NOTCH2NLC: variants seen among roughly 807,000 people sequenced by gnomAD.
The protein encoded by NOTCH2NLC is notch homolog 2 N-terminal-like protein C.
A neutral mutation model predicts 17.7 loss-of-function variants in NOTCH2NLC; 4 were observed. That is an observed-to-expected ratio of 0.23 (90% confidence interval 0.11 to 0.52). The LOEUF (loss-of-function observed/expected upper bound fraction) is 0.52, where lower values mean the gene tolerates loss of function less well. Ranked by LOEUF, NOTCH2NLC falls within the 20% of genes least tolerant of loss-of-function variation. The probability of loss-of-function intolerance (pLI) is 0.96; values close to 1 mark genes in which losing one functional copy is unlikely to be tolerated. For missense variants in NOTCH2NLC, 57 were observed against 207.2 expected (o/e 0.28, Z 4.45); for synonymous variants, 18 against 86.0 (o/e 0.21, Z 4.38).
At chr1:149,416,604 G>T (rs1402414612) in intron 1 of NOTCH2NLC, among the ~76,000 whole-genome samples, 1 of 102,582 alleles carries the variant, frequency 9.7e-6, no homozygotes, top group East Asian at 2.8e-4. Flanking sequence ...TTATGATCTG[G>T]TTCCATCTCT....
In NOTCH2NLC at chr1:149,466,277, G is replaced by GTATATATATATATATATATATATATA. The variant is rs1184842539; in HGVS notation, c.*2139_*2140insATATATATATATATATATATATATAT. 2 of 142,544 alleles carry GTATATATATATATATATATATATATA rather than the reference G, an allele frequency of 1.4e-5. No individual in the cohort carries two copies. The highest frequency in any genetic ancestry group is 2.6e-5 in the African/African-American group (1 of 37,916). The allele number at this position is 142,544 out of a possible 1,614,324, so 8.8% of individuals were successfully genotyped here. On this transcript the variant is annotated 3_prime_UTR_variant, in exon 5 of 5. Transcript: ENST00000650865. ...GTGTGTGTGTGTGTGTGTGTGTGTGGTATATATATATATATCGCATTGTGC... is the reference window on the plus strand; with the variant it reads ...GTGTGTGTGTGTGTGTGTGTGTGTGGTATATATATATATATATATATATATATATATATATATATATCGCATTGTGC...
In NOTCH2NLC at chr1:149,426,889, C is replaced by T. The variant is rs1266884834; in HGVS notation, c.136-4053C>T. Among the ~76,000 whole-genome samples, 4 of 150,626 alleles carry T rather than the reference C, an allele frequency of 2.7e-5. No individual in the cohort carries two copies. The South Asian group carries it at 6.3e-4, about 24-fold the overall frequency. On this transcript the variant is annotated intron_variant, in intron 1 of 4. Transcript: ENST00000650865. ...TTGAATTTTGAAATGAGATCTGTCC[C>T]GGTCTCACTTTCATGGCTTCAGGTT...
intron 1 of NOTCH2NLC, among the ~76,000 whole-genome samples, chr1:149,406,816 A>G (rs1261588117): frequency 1.5e-4 from 23 of 149,232 alleles, no homozygotes; most frequent in Admixed American, 1.4e-3. Context: ...TGAACTTTAA[A>G]GTTCATTACT....
At chr1:149,393,616 C>G in intron 1 of NOTCH2NLC, among the ~76,000 whole-genome samples, 1 of 147,658 alleles carries the variant, frequency 6.8e-6, no homozygotes, top group Non-Finnish European at 1.5e-5. Flanking sequence ...TGGGAAGTGA[C>G]TCCCTGATTT....
At chr1:149,414,294 CTT>C (rs2084317650) in intron 1 of NOTCH2NLC, among the ~76,000 whole-genome samples, 1 of 150,478 alleles carries the variant, frequency 6.6e-6, no homozygotes, top group African/African-American at 2.4e-5. Context: ...TTTGTGGACT[CTT>C]TTATCCTAAT....
chr1:149,405,332 A>G lies in NOTCH2NLC; in HGVS notation c.135+14410A>G. 1.4e-5 allele frequency among the ~76,000 whole-genome samples: 2 copies of G among 144,148 alleles called. 1 individual carries two copies. Among genetic ancestry groups the G allele is most frequent in the East Asian group, 4.5e-4 (2 of 4,418 alleles). The allele number at this position is 144,148 out of a possible 152,430, so 94.6% of individuals were successfully genotyped here. A position where few individuals can be genotyped will look rare whatever the true frequency, so the allele number is the denominator to read the frequency against. ...AAAACAGATGAATGTTTCTGTTTTC[A>G]TGAAGTTTATGTGACTATCAGTAGC... On this transcript the variant is annotated intron_variant, in intron 1 of 4. Transcript: ENST00000650865.
intron 2 of NOTCH2NLC, among the ~76,000 whole-genome samples, chr1:149,442,136 C>A (rs1306125710): frequency 1.3e-5 from 2 of 150,288 alleles, no homozygotes; most frequent in Admixed American, 1.3e-4. Flanking sequence ...AGAAAACAGG[C>A]TCTCATGTTG....
intron 1 of NOTCH2NLC, among the ~76,000 whole-genome samples, chr1:149,394,542 T>C (rs2084194541): frequency 6.6e-6 from 1 of 151,256 alleles, no homozygotes; most frequent in Admixed American, 6.6e-5. Context: ...TCCTTTTCCC[T>C]TTTCTTCTGT....
chr1:149,443,614 A>C (rs1465559620), intron 2 of NOTCH2NLC, among the ~76,000 whole-genome samples: 1 of 151,114 alleles, frequency 6.6e-6, no homozygotes, highest in African/African-American at 2.4e-5. Context: ...GGGCTTAGCC[A>C]TGAGAAGGTG....
intron 1 of NOTCH2NLC, among the ~76,000 whole-genome samples, chr1:149,424,079 G>A (rs1294531874): frequency 6.6e-6 from 1 of 151,208 alleles, no homozygotes; most frequent in Non-Finnish European, 1.5e-5. Flanking sequence ...AAATTTTAAG[G>A]AAGATTCCAT....
intron 1 of NOTCH2NLC, among the ~76,000 whole-genome samples, chr1:149,418,962 T>TCTTTC (rs1254266859): frequency 1.3e-5 from 2 of 151,084 alleles, no homozygotes; most frequent in East Asian, 2.0e-4. Context: ...TCTTTCCTTT[T>TCTTTC]CTTTCCTTTC....
intron 1 of NOTCH2NLC, among the ~76,000 whole-genome samples, chr1:149,415,929 CTT>C (rs1413403957): frequency 1.3e-5 from 2 of 150,832 alleles, no homozygotes; most frequent in Non-Finnish European, 3.0e-5. Context: ...TTATTATAGA[CTT>C]ATTATAGTTT....
intron 1 of NOTCH2NLC, among the ~76,000 whole-genome samples, chr1:149,417,100 T>TA (rs2084340102): frequency 3.1e-5 from 3 of 97,432 alleles, no homozygotes; most frequent in Non-Finnish European, 6.4e-5. Flanking sequence ...GGTTTTCCTT[T>TA]TTTTTTTTTT....
rs1360744271 is a variant in NOTCH2NLC, at chr1:149,413,058, C to G, written c.136-17884C>G. On this transcript the variant is annotated intron_variant, in intron 1 of 4. Coordinates refer to ENST00000650865, the MANE Select transcript of NOTCH2NLC (RefSeq NM_001364013.2). Reference sequence around the variant, plus strand: ...TAGCCGGGATTACTGGGGTGTGCCACTACCACCCGGCTAATTTTTTTGTAT... The same window carrying G: ...TAGCCGGGATTACTGGGGTGTGCCAGTACCACCCGGCTAATTTTTTTGTAT... 3.2e-4 allele frequency among the ~76,000 whole-genome samples: 48 copies of G among 148,684 alleles called. 3 individuals carry two copies. Among genetic ancestry groups the G allele is most frequent in the Admixed American group, 2.7e-3 (41 of 14,924 alleles).
intron 1 of NOTCH2NLC, among the ~76,000 whole-genome samples, chr1:149,412,161 G>A (rs2084301798): frequency 6.7e-6 from 1 of 149,106 alleles, no homozygotes; most frequent in Non-Finnish European, 1.5e-5. Context: ...GTGGTATTGG[G>A]CCTGTCTAAT....
At chr1:149,404,296 T>A (rs1311836817) in intron 1 of NOTCH2NLC, among the ~76,000 whole-genome samples, 1 of 151,232 alleles carries the variant, frequency 6.6e-6, no homozygotes, top group Non-Finnish European at 1.5e-5. Context: ...CTGTTAGACA[T>A]TTTGAAATAA....
At chr1:149,417,065 A>G (rs2084339578) in intron 1 of NOTCH2NLC, among the ~76,000 whole-genome samples, 2 of 133,746 alleles carry the variant, frequency 1.5e-5, no homozygotes, top group African/African-American at 5.5e-5. Flanking sequence ...ATATTATGGA[A>G]GTTTGCAGAT....
intron 2 of NOTCH2NLC, among the ~76,000 whole-genome samples, chr1:149,449,211 C>T (rs2084575059): frequency 4.0e-5 from 6 of 150,882 alleles, no homozygotes; most frequent in African/African-American, 4.9e-5. Flanking sequence ...TTCTAAGCTT[C>T]GAGTTCCTCA....
chr1:149,460,675 A>G (rs2084639317), intron 3 of NOTCH2NLC, among the ~76,000 whole-genome samples: 4 of 148,140 alleles, frequency 2.7e-5, no homozygotes, highest in Admixed American at 2.0e-4. Context: ...ATTTTTGTCT[A>G]TCACTTTAGG....
Sources: allele counts gnomAD v4.1 joint callset (sites outside exome capture counted in the v4.1 genomes callset), GRCh38; gene constraint gnomAD v4.1.1; transcripts MANE v1.5; gene names NCBI Gene and HGNC (gene_info 2026-07-23, HGNC 2026-07-21).